KCNIP4: variants seen among roughly 807,000 people sequenced by gnomAD.
The protein encoded by KCNIP4 is potassium voltage-gated channel interacting protein 4, also known as Kv channel-interacting protein 4.
Under a neutral mutation model 34.0 loss-of-function variants are expected in KCNIP4, and 12 were observed. The observed-to-expected ratio is 0.35, with a 90% confidence interval of 0.23 to 0.57. The LOEUF is 0.57. KCNIP4 is among the 20% of genes least tolerant of loss of function. The pLI is 0.83. For synonymous variants in KCNIP4, 124 were observed against 102.2 expected, an observed-to-expected ratio of 1.21 and a Z score of -1.29; for missense variants, 238 against 311.7, an observed-to-expected ratio of 0.76 and a Z score of 1.78.
At chr4:21,403,063 T>C (rs1459031162) in intron 1 of KCNIP4, among the ~76,000 whole-genome samples, 3 of 152,160 alleles carry the variant, frequency 2.0e-5, no homozygotes, top group Non-Finnish European at 2.9e-5. Context: ...CTAGCACTTA[T>C]CTTATTGAAC....
intron 1 of KCNIP4, among the ~76,000 whole-genome samples, chr4:21,496,986 T>A (rs1442588743): frequency 1.3e-5 from 2 of 152,150 alleles, no homozygotes; most frequent in African/African-American, 4.8e-5. Context: ...AAGTCCAGTT[T>A]CTCTCTAAGG....
At chr4:21,196,454 G>A (rs1488640377) in intron 1 of KCNIP4, among the ~76,000 whole-genome samples, 2 of 152,126 alleles carry the variant, frequency 1.3e-5, no homozygotes, top group African/African-American at 4.8e-5. Context: ...GGAAGAACCA[G>A]GGATTTTTAT....
chr4:21,484,265 A>C lies in KCNIP4; in HGVS notation c.61+464306T>G, dbSNP rs189759723. Among the ~76,000 whole-genome samples, 82 of 152,062 alleles carry C rather than the reference A, an allele frequency of 5.4e-4. 1 individual carries two copies. Among genetic ancestry groups the C allele is most frequent in the Admixed American group, 7.9e-4 (12 of 15,260 alleles). ...AACATGGTGAAACCCCACCTCTAGT[A>C]CAAATACAAAAATTAGCCAGGTGTG... On this transcript the variant is annotated intron_variant, in intron 1 of 8. Coordinates refer to ENST00000382152, the MANE Select transcript of KCNIP4 (RefSeq NM_025221.6).
intron 1 of KCNIP4, among the ~76,000 whole-genome samples, chr4:21,188,286 A>G (rs143499543): frequency 5.7e-4 from 87 of 152,252 alleles, no homozygotes; most frequent in African/African-American, 1.6e-3. Flanking sequence ...GCACATTTTC[A>G]AAGCAGCAAT....
rs1016831624 is a variant in KCNIP4, at chr4:21,233,594, C to T, written c.62-350885G>A. On this transcript the variant is annotated intron_variant, in intron 1 of 8. Coordinates refer to ENST00000382152, the MANE Select transcript of KCNIP4 (RefSeq NM_025221.6). ...CCAAAGAACAAAGATATTAAAAATG[C>T]TGGTAGAAAGATAAGGCTTGAAGCA... 9.9e-5 allele frequency among the ~76,000 whole-genome samples: 15 copies of T among 151,590 alleles called. No homozygotes were observed. In the East Asian group the frequency reaches 2.9e-3, roughly 29 times the overall value.
At position 21,428,763 on chromosome 4, in the gene KCNIP4, TAAG is replaced by T. The variant is rs202227873; in HGVS notation, c.61+519805_61+519807del. 2.6e-5 allele frequency among the ~76,000 whole-genome samples: 4 copies of T among 152,286 alleles called. No homozygotes were observed. In the East Asian group the frequency reaches 7.7e-4, roughly 29 times the overall value. On this transcript the variant is annotated intron_variant, in intron 1 of 8. Transcript: ENST00000382152. ...TTTAAGCTTAGCTAAGCCTGTACAA[TAAG>T]GAGGACAGACTAGACTCATTTCTGA...
chr4:21,424,355 G>T (rs1030570652), intron 1 of KCNIP4, among the ~76,000 whole-genome samples: 1 of 151,278 alleles, frequency 6.6e-6, no homozygotes, highest in Non-Finnish European at 1.5e-5. Flanking sequence ...GGACGATCAC[G>T]AGGTCAGGAG....
At chr4:21,170,839 A>G (rs943717148) in intron 1 of KCNIP4, among the ~76,000 whole-genome samples, 1 of 152,188 alleles carries the variant, frequency 6.6e-6, no homozygotes, top group African/African-American at 2.4e-5. Context: ...TATTTCATAG[A>G]TATGGAAGTT....
chr4:20,749,175 C>G lies in KCNIP4; in HGVS notation c.429+487G>C, dbSNP rs182190571. 3.7e-3 allele frequency among the ~76,000 whole-genome samples: 505 copies of G among 134,674 alleles called. 3 individuals are homozygous for G. Among genetic ancestry groups the G allele is most frequent in the Admixed American group, 0.013 (163 of 13,032 alleles). 88.4% of individuals were successfully genotyped at this position (134,674 alleles called of 152,430 possible). On this transcript the variant is annotated intron_variant, in intron 5 of 8. Coordinates refer to ENST00000382152, the MANE Select transcript of KCNIP4 (RefSeq NM_025221.6). ...TCTTTCAAAAAAAAAAAAAAAAATACGTTCTCTACAGATCACTTAAAGTTT... is the reference window on the plus strand; with the variant it reads ...TCTTTCAAAAAAAAAAAAAAAAATAGGTTCTCTACAGATCACTTAAAGTTT...
chr4:20,982,390 T>C (rs1191491008), intron 1 of KCNIP4, among the ~76,000 whole-genome samples: 4 of 152,238 alleles, frequency 2.6e-5, no homozygotes, highest in African/African-American at 4.8e-5. Flanking sequence ...CAGCATTTAG[T>C]GCATTGAGGC....
chr4:21,627,684 A>C (rs575586845), intron 1 of KCNIP4, among the ~76,000 whole-genome samples: 1 of 152,298 alleles, frequency 6.6e-6, no homozygotes, highest in South Asian at 2.1e-4. Context: ...TATAAAAAGA[A>C]TTGTGGTTTC....
At chr4:20,960,329 T>C (rs1243547369) in intron 1 of KCNIP4, among the ~76,000 whole-genome samples, 5 of 152,218 alleles carry the variant, frequency 3.3e-5, no homozygotes, top group Non-Finnish European at 7.3e-5. Context: ...GAGGTGGATA[T>C]GGTTGGCCAG....
intron 1 of KCNIP4, among the ~76,000 whole-genome samples, chr4:21,757,252 GAAAAGAAAAGA>G (rs1560691780): frequency 2.2e-4 from 5 of 22,870 alleles, no homozygotes; most frequent in African/African-American, 1.1e-3. Context: ...AGAAAGAAAA[GAAAAGAAAAGA>G]AAAGAAAAGA....
rs10686415 is a variant in KCNIP4, at chr4:20,905,509, C to CTTTTTTTTT, written c.62-22809_62-22801dup. Among the ~76,000 whole-genome samples the CTTTTTTTTT allele has an allele frequency of 1.2e-3, 88 of 72,796 alleles. 13 individuals carry two copies. The highest frequency in any genetic ancestry group is 3.3e-3 in the East Asian group (7 of 2,102). The allele number at this position is 72,796 out of a possible 152,430, so 47.8% of individuals were successfully genotyped here. A position where few individuals can be genotyped will look rare whatever the true frequency, so the allele number is the denominator to read the frequency against. On this transcript the variant is annotated intron_variant, in intron 1 of 8. Transcript: ENST00000382152. Reference sequence around the variant, plus strand: ...ACACAGGTAGTTGAACGTTTTCTTTCTTTTTTTTTTTTTTTTGTTTGAGAT... The same window carrying CTTTTTTTTT: ...ACACAGGTAGTTGAACGTTTTCTTTCTTTTTTTTTTTTTTTTTTTTTTTTTGTTTGAGAT...
intron 3 of KCNIP4, among the ~76,000 whole-genome samples, chr4:20,831,638 T>A (rs1268004606): frequency 6.6e-6 from 1 of 152,218 alleles, no homozygotes; most frequent in East Asian, 1.9e-4. Flanking sequence ...TTGTTTTCAA[T>A]AAATGTAACC....
chr4:20,748,558 TTTTATATATATATATATATATA>T lies in KCNIP4; in HGVS notation c.429+1082_429+1103del, dbSNP rs1354099106. Among the ~76,000 whole-genome samples, 1,003 of 118,550 alleles carry T rather than the reference TTTTATATATATATATATATATA, an allele frequency of 8.5e-3. 23 individuals are homozygous for T. Among genetic ancestry groups the T allele is most frequent in the African/African-American group, 0.024 (772 of 32,188 alleles). 77.8% of individuals were successfully genotyped at this position (118,550 alleles called of 152,430 possible). A position where few individuals can be genotyped will look rare whatever the true frequency, so the allele number is the denominator to read the frequency against. On this transcript the variant is annotated intron_variant, in intron 5 of 8. Transcript: ENST00000382152. ...TCCAAAAATAAATGCACCTTCCAAA[TTTTATATATATATATATATATA>T]TATATATATATATATATATATATAT...
intron 1 of KCNIP4, among the ~76,000 whole-genome samples, chr4:21,402,035 A>G (rs2109556271): frequency 6.6e-6 from 1 of 152,350 alleles, no homozygotes; most frequent in Middle Eastern, 3.4e-3. Flanking sequence ...GAAATGTCCT[A>G]TTAACTTGAA....
At chr4:21,551,129 A>G (rs1205885724) in intron 1 of KCNIP4, among the ~76,000 whole-genome samples, 1 of 152,068 alleles carries the variant, frequency 6.6e-6, no homozygotes, top group Admixed American at 6.6e-5. Context: ...ATATGTGAAT[A>G]AATTGCTGCA....
In KCNIP4 at chr4:21,367,571, GAGA is replaced by G. The variant is rs527889212; in HGVS notation, c.62-484865_62-484863del. Among the ~76,000 whole-genome samples the G allele has an allele frequency of 4.4e-3, 599 of 135,786 alleles. 101 individuals carry two copies. Among genetic ancestry groups the G allele is most frequent in the African/African-American group, 0.021 (567 of 27,076 alleles). The allele number at this position is 135,786 out of a possible 152,430, so 89.1% of individuals were successfully genotyped here. A position where few individuals can be genotyped will look rare whatever the true frequency, so the allele number is the denominator to read the frequency against. ...CTTAGCAAGTCATACATTTTATATT[GAGA>G]AGAATTTTATAATTTGAAGTATGTT... On this transcript the variant is annotated intron_variant, in intron 1 of 8. Coordinates refer to ENST00000382152, the MANE Select transcript of KCNIP4 (RefSeq NM_025221.6).
Sources: gnomAD v4.1 joint callset for allele counts (sites outside exome capture counted in the v4.1 genomes callset) on GRCh38, gnomAD v4.1.1 for gene constraint, MANE v1.5 for transcripts, NCBI Gene and HGNC (gene_info 2026-07-23, HGNC 2026-07-21) for gene names.